The following NPAS2 variants were observed in gnomAD, a reference collection of about 807,000 sequenced individuals.
The protein encoded by NPAS2 is neuronal PAS domain-containing protein 2.
In NPAS2, 23 loss-of-function variants were observed where a neutral mutation model predicts 107.5. The ratio of observed to expected loss-of-function variants is 0.21; its 90% CI spans 0.15 to 0.30. The LOEUF (loss-of-function observed/expected upper bound fraction) is 0.30. NPAS2 is among the 10% of genes least tolerant of loss of function. The pLI, the probability that NPAS2 is intolerant of heterozygous loss-of-function variation, is 1.00. For synonymous variants in NPAS2, 403 were observed against 417.5 expected (o/e 0.97, Z 0.42); for missense variants, 756 against 1,043.3 (o/e 0.72, Z 3.79).
chr2:100,937,900 T>TGATTCTCAA, intron 5 of NPAS2, 58 bp downstream of exon 5: 2 of 1,282,644 alleles, frequency 1.6e-6, no homozygotes, highest in Non-Finnish European at 1.1e-6. Flanking sequence ...CTGTTGAGAA[T>TGATTCTCAA]CATTAGATCT....
At chr2:100,913,246 C>T (rs1682663641) in intron 2 of NPAS2, among the ~76,000 whole-genome samples, 2 of 152,156 alleles carry the variant, frequency 1.3e-5, no homozygotes, top group African/African-American at 2.4e-5. Context: ...GTTCAAATAC[C>T]AGCTCTTCTT....
At chr2:100,955,631 C>G (rs1380331349) in intron 7 of NPAS2, among the ~76,000 whole-genome samples, 3 of 142,084 alleles carry the variant, frequency 2.1e-5, no homozygotes, top group Non-Finnish European at 4.7e-5. Context: ...TGGGTACGCA[C>G]TGGGTAAACT....
At chr2:100,910,814 C>T (rs1682497650) in intron 2 of NPAS2, among the ~76,000 whole-genome samples, 1 of 152,182 alleles carries the variant, frequency 6.6e-6, no homozygotes. Flanking sequence ...AGGCATGAGC[C>T]ACCATGCCCA....
chr2:100,839,042 A>T (rs138644625), intron 1 of NPAS2, among the ~76,000 whole-genome samples: 1 of 152,244 alleles, frequency 6.6e-6, no homozygotes, highest in Non-Finnish European at 1.5e-5. Context: ...CCCCTGAGAC[A>T]GCAAGACAAA....
At chr2:100,925,049 C>A in intron 2 of NPAS2, 97 bp from the exon 3 acceptor site, 2 of 1,261,406 alleles carry the variant, frequency 1.6e-6, no homozygotes, top group Non-Finnish European at 1.1e-6. Context: ...GATAGATGAT[C>A]ACAATAGAAT....
At chr2:100,827,499 T>C (rs1676461009) in intron 1 of NPAS2, among the ~76,000 whole-genome samples, 1 of 152,184 alleles carries the variant, frequency 6.6e-6, no homozygotes, top group African/African-American at 2.4e-5. Context: ...GGTACTGATG[T>C]AGTACCCAAT....
chr2:100,857,171 G>A (rs1049311583), intron 1 of NPAS2, among the ~76,000 whole-genome samples: 6 of 151,896 alleles, frequency 4.0e-5, no homozygotes, highest in East Asian at 1.9e-4. Flanking sequence ...CCAGGCGGGC[G>A]CCTATAATCC....
intron 1 of NPAS2, among the ~76,000 whole-genome samples, chr2:100,871,647 C>T (rs1679596030): frequency 6.6e-6 from 1 of 151,982 alleles, no homozygotes; most frequent in African/African-American, 2.4e-5. Flanking sequence ...CTTCTCTCTT[C>T]TTAACTCTTC....
intron 1 of NPAS2, among the ~76,000 whole-genome samples, chr2:100,897,298 A>G (rs1440779159): frequency 6.6e-6 from 1 of 152,202 alleles, no homozygotes; most frequent in African/African-American, 2.4e-5. Flanking sequence ...GAAATGGGTG[A>G]AGATGCAATT....
chr2:100,946,183 G>A (rs1674885775), intron 5 of NPAS2, among the ~76,000 whole-genome samples: 1 of 152,230 alleles, frequency 6.6e-6, no homozygotes. Flanking sequence ...GGAGGCAGGT[G>A]AGCTCATGGA....
intron 1 of NPAS2, among the ~76,000 whole-genome samples, chr2:100,838,731 C>T (rs1247803028): frequency 6.6e-6 from 1 of 152,118 alleles, no homozygotes; most frequent in African/African-American, 2.4e-5. Context: ...CCTGCCTTCT[C>T]AAAGGGGTGT....
chr2:100,975,302 T>G, intron 13 of NPAS2, 156 bp from the exon 14 acceptor site: 1 of 703,222 alleles, frequency 1.4e-6, no homozygotes, highest in Admixed American at 2.7e-5. Flanking sequence ...CAGGCTGGGC[T>G]TCTGTGGTTC....
intron 1 of NPAS2, among the ~76,000 whole-genome samples, chr2:100,875,591 G>A (rs1284059000): frequency 1.3e-5 from 2 of 152,134 alleles, no homozygotes; most frequent in Admixed American, 6.5e-5. Flanking sequence ...CCTACACAGC[G>A]CGGCTCCTGG....
At chr2:100,847,204 G>A (rs1677828236) in intron 1 of NPAS2, 2 of 152,154 alleles carry the variant, frequency 1.3e-5, no homozygotes, top group Admixed American at 6.5e-5. Context: ...CAGGGAGGAT[G>A]ATGGTAGTAA....
Position 100,990,270 on chromosome 2 carries a change from G to C in NPAS2, c.1842G>C (p.Met614Ile). ...TGATGCTCCAGGGTCCAAAGCCAAT[G>C]AGAAGCTCACAGCTAATGCAGAGCA... ...SVISTQGPKP[M>I]RSSQLMQSSG... The change falls in exon 18 of 21, where the codon ATG becomes ATC. Residue 614 changes from methionine to isoleucine, a missense_variant. Transcript: ENST00000335681. The C allele has an allele frequency of 6.2e-7, 1 of 1,614,138 alleles. No individual in the cohort carries two copies. Among genetic ancestry groups the C allele is most frequent in the Non-Finnish European group, 8.5e-7 (1 of 1,180,014 alleles).
chr2:100,950,368 A>G (rs1171153613), intron 7 of NPAS2, among the ~76,000 whole-genome samples: 1 of 152,248 alleles, frequency 6.6e-6, no homozygotes, highest in African/African-American at 2.4e-5. Flanking sequence ...AAAAACAGAA[A>G]GATGAGCTGC....
At chr2:100,826,546 C>G (rs989259100) in intron 1 of NPAS2, among the ~76,000 whole-genome samples, 1 of 152,072 alleles carries the variant, frequency 6.6e-6, no homozygotes, top group Non-Finnish European at 1.5e-5. Flanking sequence ...ATACCTTTTT[C>G]TTTATTTTTA....
intron 4 of NPAS2, chr2:100,934,822 GTCTC>G (rs769767779): frequency 1.5e-5 from 15 of 985,324 alleles, no homozygotes; most frequent in Non-Finnish European, 1.8e-5. Flanking sequence ...CATAGCATGG[GTCTC>G]TCTCCAGCTG....
At position 100,933,379 on chromosome 2, in the gene NPAS2, T is replaced by G. The variant is rs1301262442; in HGVS notation, c.273+378T>G. On this transcript the variant is annotated intron_variant, in intron 4 of 20. Coordinates refer to ENST00000335681, the MANE Select transcript of NPAS2 (RefSeq NM_002518.4). ...CTCAGAGAGTCTTCTCTTAGACTGC[T>G]ATGATTATACATTTTTTCCCTTAGT... is the stretch of plus-strand genomic sequence containing the variant. Among the ~76,000 whole-genome samples, 143 of 152,228 alleles carry G rather than the reference T, an allele frequency of 9.4e-4. 3 individuals are homozygous for G. Among genetic ancestry groups the G allele is most frequent in the Non-Finnish European group, 1.2e-4 (8 of 68,038 alleles).
Sources: allele counts gnomAD v4.1 joint callset (sites outside exome capture counted in the v4.1 genomes callset), GRCh38; gene constraint gnomAD v4.1.1; transcripts MANE v1.5; gene names NCBI Gene and HGNC (gene_info 2026-07-23, HGNC 2026-07-21).